PDE6B: variants seen among roughly 807,000 people sequenced by gnomAD.
PDE6B encodes rod cGMP-specific 3',5'-cyclic phosphodiesterase subunit beta.
Under a neutral mutation model 109.0 loss-of-function variants are expected in PDE6B, and 106 were observed. That is an observed-to-expected ratio of 0.97 (90% CI 0.83 to 1.14). The LOEUF is 1.14. PDE6B is among the 50% of genes most tolerant of loss of function. The probability of loss-of-function intolerance (pLI) is 0.00; values close to 1 mark genes in which losing one functional copy is unlikely to be tolerated. For synonymous variants in PDE6B, 490 were observed against 471.3 expected, an observed-to-expected ratio of 1.04 and a Z score of -0.51; for missense variants, 1,193 against 1,155.6, an observed-to-expected ratio of 1.03 and a Z score of -0.47.
intron 5 of PDE6B, chr4:654,434 G>T: frequency 1.6e-6 from 1 of 619,758 alleles, no homozygotes; most frequent in Non-Finnish European, 2.9e-6. Context: ...ATCTCCCCAC[G>T]TGGGACCTCC....
chr4:637,253 T>TTTTTG (rs1734733840), intron 3 of PDE6B, among the ~76,000 whole-genome samples: 1 of 151,518 alleles, frequency 6.6e-6, no homozygotes, highest in Non-Finnish European at 1.5e-5. Context: ...ATGTTTTTGG[T>TTTTTG]TTTTGTTTTG....
Position 625,771 on chromosome 4 carries a change from G to T in PDE6B, c.145G>T (p.Asp49Tyr), listed in dbSNP as rs79826315. Residue 49 changes from aspartate to tyrosine, a missense_variant, in exon 1 of 22, where the codon GAC becomes TAC. Asp to Tyr is a radical substitution (Grantham distance 160, BLOSUM62 -3). Transcript: ENST00000496514. The surrounding 1 kb of genome is among the most constrained non-coding windows in gnomAD (Gnocchi z 5.0). ...GCPPDCDSLR[D>Y]LCQVEESTAL... ...CCCGCCGGACTGCGACAGCCTCCGGGACCTCTGCCAGGTGGAGGAGAGCAC... is the reference window on the plus strand; with the variant it reads ...CCCGCCGGACTGCGACAGCCTCCGGTACCTCTGCCAGGTGGAGGAGAGCAC... 1.0e-3 allele frequency: 1,626 copies of T among 1,613,498 alleles called. 17 individuals carry two copies. In the East Asian group the frequency reaches 0.027, roughly 27 times the overall value.
rs776540118 is a variant in PDE6B, at chr4:657,500, G to GT, written c.1401+6_1401+7insT. The GT allele has an allele frequency of 2.5e-5, 36 of 1,466,918 alleles. No homozygotes were observed. The East Asian group carries it at 7.8e-4, about 32-fold the overall frequency. 90.9% of individuals were successfully genotyped at this position (1,466,918 alleles called of 1,614,324 possible). A position where few individuals can be genotyped will look rare whatever the true frequency, so the allele number is the denominator to read the frequency against. On this transcript the variant is annotated splice_region_variant and intron_variant, in intron 10 of 21. Coordinates refer to ENST00000496514, the MANE Select transcript of PDE6B (RefSeq NM_000283.4). ...ACGAGATCCAGCTCATCCTGGTGCG[G>GT]CGGGGCAGGACGTCCAGGGGTCACC...
At position 634,957 on chromosome 4, in the gene PDE6B, G is replaced by A. The variant is rs534774385; in HGVS notation, c.621+128G>A. 1.6e-4 allele frequency: 123 copies of A among 752,862 alleles called. 1 individual carries two copies. Among genetic ancestry groups the A allele is most frequent in the East Asian group, 1.2e-3 (46 of 37,296 alleles). 46.6% of individuals were successfully genotyped at this position (752,862 alleles called of 1,614,324 possible). The stretch of plus-strand genomic sequence containing the variant: ...CCTGCCCGTGTGTTCTCTGCTGCGT[G>A]TCTGCCTCCTTACCTGCCTGCCCGC... On this transcript the variant is annotated intron_variant, in intron 2 of 21. Transcript: ENST00000496514.
Position 666,508 on chromosome 4 carries a change from C to T in PDE6B, c.2269-23C>T, listed in dbSNP as rs1293115422. On this transcript the variant is annotated intron_variant, in intron 19 of 21. Transcript: ENST00000496514. This position sits in a 1 kb window ranked among gnomAD's most constrained non-coding sequence, Gnocchi z 5.6. ...AGCTGCCTCCCTGGTCACTGTTCTCCCGCCCTCTGTTCCTCCCACCAGCCT... is the reference window on the plus strand; with the variant it reads ...AGCTGCCTCCCTGGTCACTGTTCTCTCGCCCTCTGTTCCTCCCACCAGCCT... 6.4e-6 allele frequency: 10 copies of T among 1,574,572 alleles called. No individual in the cohort carries two copies. The highest frequency in any genetic ancestry group is 8.7e-6 in the Non-Finnish European group (10 of 1,144,644).
At position 662,658 on chromosome 4, in the gene PDE6B, C is replaced by G. The variant is rs1160635951; in HGVS notation, c.1832+40C>G. On this transcript the variant is annotated intron_variant, in intron 14 of 21. Coordinates refer to ENST00000496514, the MANE Select transcript of PDE6B (RefSeq NM_000283.4). The surrounding 1 kb of genome is among the most constrained non-coding windows in gnomAD (Gnocchi z 4.3). ...GCGGGCATGTGAATTAGCCCTAAAT[C>G]AACTCCACGCCCTTGGCGTGAATTA... is the stretch of plus-strand genomic sequence containing the variant. The G allele has an allele frequency of 6.5e-6, 8 of 1,226,536 alleles. No individual in the cohort carries two copies. The highest frequency in any genetic ancestry group is 9.7e-6 in the Non-Finnish European group (8 of 827,104). 76.0% of individuals were successfully genotyped at this position (1,226,536 alleles called of 1,614,324 possible). A position where few individuals can be genotyped will look rare whatever the true frequency, so the allele number is the denominator to read the frequency against.
intron 6 of PDE6B, 164 bp from the exon 7 acceptor site, chr4:655,776 C>T (rs1736149795): frequency 2.9e-6 from 2 of 686,366 alleles, no homozygotes; most frequent in African/African-American, 3.6e-5. Context: ...CTGACCCCTG[C>T]ACACACACGT....
chr4:638,348 G>A (rs972245336), intron 3 of PDE6B, among the ~76,000 whole-genome samples: 1 of 152,006 alleles, frequency 6.6e-6, no homozygotes, highest in African/African-American at 2.4e-5. Flanking sequence ...TTGGAGACAG[G>A]GTCTTACTCT....
chr4:657,437 A>AT lies in PDE6B; in HGVS notation c.1344_1345insT (p.Gln449SerfsTer31), dbSNP rs746711402. 1 of 1,613,336 alleles carries AT rather than the reference A, an allele frequency of 6.2e-7. No individual in the cohort carries two copies. The highest frequency in any genetic ancestry group is 2.2e-5 in the East Asian group (1 of 44,884). ...AGCTGGAGAACCGCAAGGACATCGC[A>AT]CAGGACATGGTCCTTTACCACGTGA... On this transcript the variant is annotated frameshift_variant, in exon 10 of 22. Transcript: ENST00000496514. LOFTEE classifies it high-confidence loss of function.
intron 1 of PDE6B, among the ~76,000 whole-genome samples, chr4:630,428 C>T (rs1004229798): frequency 1.3e-5 from 2 of 152,100 alleles, no homozygotes; most frequent in African/African-American, 4.8e-5. Context: ...AGTGACCAGA[C>T]GCTGGGGAAA....
chr4:650,078 G>A (rs541049992), intron 3 of PDE6B, among the ~76,000 whole-genome samples: 2 of 152,270 alleles, frequency 1.3e-5, no homozygotes, highest in African/African-American at 4.8e-5. Flanking sequence ...CATCCCCGGG[G>A]CCTTGTGGAT....
intron 3 of PDE6B, among the ~76,000 whole-genome samples, chr4:651,227 G>T (rs866362193): frequency 1.6e-4 from 24 of 148,082 alleles, no homozygotes; most frequent in Middle Eastern, 3.5e-3. Flanking sequence ...GTCAACGGCA[G>T]TGGGGCCGTC....
In PDE6B at chr4:626,934, G is replaced by A. The variant is rs1474874581; in HGVS notation, c.468+840G>A. ...AAGGGGGCTCTGAGGAAGAAGGGGA[G>A]GGGGGAAGCCCCTTCTCCCTGTCCT... is the stretch of plus-strand genomic sequence containing the variant. On this transcript the variant is annotated intron_variant, in intron 1 of 21. Transcript: ENST00000496514. This position sits in a 1 kb window ranked among gnomAD's most constrained non-coding sequence, Gnocchi z 4.6. 2.0e-5 allele frequency among the ~76,000 whole-genome samples: 3 copies of A among 152,296 alleles called. No homozygotes were observed. Among genetic ancestry groups the A allele is most frequent in the South Asian group, 4.1e-4 (2 of 4,830 alleles).
rs779967777 is a variant in PDE6B at position 664,239 on chromosome 4, G to A, written c.2129+18G>A. The A allele has an allele frequency of 7.4e-7, 1 of 1,342,874 alleles. No individual in the cohort carries two copies. Among genetic ancestry groups the A allele is most frequent in the East Asian group, 2.3e-5 (1 of 43,686 alleles). 83.2% of individuals were successfully genotyped at this position (1,342,874 alleles called of 1,614,324 possible). On this transcript the variant is annotated intron_variant, in intron 17 of 21. Coordinates refer to ENST00000496514, the MANE Select transcript of PDE6B (RefSeq NM_000283.4). ...ATCGTCATGTGAGCGCGGGCGGAGGGGGCACGAGGGGTCCTTCCCTCGCAG... is the reference window on the plus strand; with the variant it reads ...ATCGTCATGTGAGCGCGGGCGGAGGAGGCACGAGGGGTCCTTCCCTCGCAG...
At chr4:653,071 C>G (rs1253448824) in intron 3 of PDE6B, 5 of 529,686 alleles carry the variant, frequency 9.4e-6, no homozygotes, top group Non-Finnish European at 1.2e-5. Context: ...CTACGAACAT[C>G]TCACTGCCCT....
Position 658,934 on chromosome 4 carries a change from A to T in PDE6B, c.1402-18A>T. 1 of 1,600,692 alleles carries T rather than the reference A, an allele frequency of 6.2e-7. No homozygotes were observed. The highest frequency in any genetic ancestry group is 1.1e-5 in the South Asian group (1 of 90,862). ...CATGCGAAGCTCTTTCTCGTGACAC[A>T]TCTGTGTCTCTGTGTAGCCAACCAG... On this transcript the variant is annotated intron_variant, in intron 10 of 21. Coordinates refer to ENST00000496514, the MANE Select transcript of PDE6B (RefSeq NM_000283.4).
Position 662,482 on chromosome 4 carries a change from G to C in PDE6B, c.1723-27G>C. 1.4e-6 allele frequency: 2 copies of C among 1,480,934 alleles called. No homozygotes were observed. Among genetic ancestry groups the C allele is most frequent in the Non-Finnish European group, 1.9e-6 (2 of 1,059,238 alleles). The allele number at this position is 1,480,934 out of a possible 1,614,324, so 91.7% of individuals were successfully genotyped here. On this transcript the variant is annotated intron_variant, in intron 13 of 21. Coordinates refer to ENST00000496514, the MANE Select transcript of PDE6B (RefSeq NM_000283.4). This position sits in a 1 kb window ranked among gnomAD's most constrained non-coding sequence, Gnocchi z 4.3. Reference sequence around the variant, plus strand: ...CCCCACCCTGCTGGAGCCAGGACCGGTGAGCAAGGTGGCCCTGTCTCTACA... The same window carrying C: ...CCCCACCCTGCTGGAGCCAGGACCGCTGAGCAAGGTGGCCCTGTCTCTACA...
chr4:634,804 C>T lies in PDE6B; in HGVS notation c.596C>T (p.Pro199Leu), dbSNP rs761103835. Residue 199 changes from proline to leucine, a missense_variant, in exon 2 of 22, where the codon CCA becomes CTA. Physicochemically the swap from Pro to Leu is moderately conservative, Grantham distance 98. Coordinates refer to ENST00000496514, the MANE Select transcript of PDE6B (RefSeq NM_000283.4). The stretch of plus-strand genomic sequence containing the variant: ...ATGGCAGTGAACAAGCTCAACGGCC[C>T]ATTCTTCACCAGCGAAGACGAAGAT... Reference protein sequence around the residue: ...VIMAVNKLNGPFFTSEDEDVF... With the variant: ...VIMAVNKLNGLFFTSEDEDVF... The T allele has an allele frequency of 1.2e-6, 2 of 1,613,958 alleles. No homozygotes were observed. Among genetic ancestry groups the T allele is most frequent in the Non-Finnish European group, 1.7e-6 (2 of 1,179,858 alleles).
At chr4:643,072 G>T (rs1412829266) in intron 3 of PDE6B, among the ~76,000 whole-genome samples, 6 of 152,100 alleles carry the variant, frequency 3.9e-5, no homozygotes, top group Non-Finnish European at 1.5e-5. Flanking sequence ...CACTTTGGGA[G>T]GTTGAGGCGG....
Sources: gnomAD v4.1 joint callset for allele counts (sites outside exome capture counted in the v4.1 genomes callset) on GRCh38, gnomAD v4.1.1 for gene constraint, Gnocchi (gnomAD v3.1) non-coding constraint, MANE v1.5 for transcripts, NCBI Gene and HGNC (gene_info 2026-07-23, HGNC 2026-07-21) for gene names.